Variants in PDE1C observed in about 807,000 individuals in gnomAD.
The protein encoded by PDE1C is dual specificity calcium/calmodulin-dependent 3',5'-cyclic nucleotide phosphodiesterase 1C.
Under a neutral mutation model 93.1 loss-of-function variants are expected in PDE1C, and 62 were observed. The observed-to-expected ratio is 0.67, with a 90% CI of 0.54 to 0.82. The LOEUF (loss-of-function observed/expected upper bound fraction) is 0.82. Among genes scored for constraint, PDE1C ranks in the 40% least tolerant of loss-of-function variants. PDE1C has a pLI of 0.00. For missense variants in PDE1C, 742 were observed against 884.6 expected (o/e 0.84, Z 2.04); for synonymous variants, 325 against 310.1 (o/e 1.05, Z -0.50).
chr7:32,349,718 C>T (rs35113298), intron 1 of PDE1C, among the ~76,000 whole-genome samples: 25,474 of 152,128 alleles, frequency 0.17, 2,716 homozygotes, highest in South Asian at 0.44. Flanking sequence ...CAACCTCCAC[C>T]TCTCGGGTTC....
chr7:31,620,740 A>G, the PDE1C span, among the ~76,000 whole-genome samples: 1 of 152,154 alleles, frequency 6.6e-6, no homozygotes, highest in Non-Finnish European at 1.5e-5. Context: ...CTCACCAGCA[A>G]TGGAACAAAG....
chr7:32,146,179 T>C (rs1800822891), intron 3 of PDE1C, among the ~76,000 whole-genome samples: 1 of 152,132 alleles, frequency 6.6e-6, no homozygotes, highest in Non-Finnish European at 1.5e-5. Context: ...AAACTCTGCA[T>C]TTCTGTTAAC....
intron 1 of PDE1C, among the ~76,000 whole-genome samples, chr7:32,333,952 AC>A (rs1412270581): frequency 1.3e-5 from 2 of 152,190 alleles, no homozygotes; most frequent in African/African-American, 4.8e-5. Flanking sequence ...AATATCCCAG[AC>A]CCTGTCATTT....
chr7:32,004,034 G>T (rs956634639), intron 2 of PDE1C, among the ~76,000 whole-genome samples: 1 of 152,082 alleles, frequency 6.6e-6, no homozygotes, highest in Non-Finnish European at 1.5e-5. Flanking sequence ...TGCTCTGTAC[G>T]TGTTCATGTG....
chr7:31,933,234 T>TA (rs200217566), intron 2 of PDE1C, among the ~76,000 whole-genome samples: 282 of 150,946 alleles, frequency 1.9e-3, no homozygotes, highest in Middle Eastern at 3.4e-3. Flanking sequence ...AAGTTTAATT[T>TA]AAAAAAAAAG....
intron 9 of PDE1C, among the ~76,000 whole-genome samples, chr7:31,845,460 G>T (rs1395794681): frequency 6.6e-6 from 1 of 151,972 alleles, no homozygotes; most frequent in East Asian, 1.9e-4. Flanking sequence ...CTCTGTATAG[G>T]TTCAGTAAGC....
intron 1 of PDE1C, among the ~76,000 whole-genome samples, chr7:32,241,485 C>T (rs1562610519): frequency 2.0e-5 from 3 of 151,908 alleles, no homozygotes; most frequent in Admixed American, 1.3e-4. Flanking sequence ...AAAAGCAATG[C>T]CATTGGAGTT....
chr7:31,935,460 T>A (rs1804911744), intron 2 of PDE1C, among the ~76,000 whole-genome samples: 1 of 152,136 alleles, frequency 6.6e-6, no homozygotes. Flanking sequence ...CTAAAGTTCA[T>A]ACACCTGAAA....
intron 1 of PDE1C, among the ~76,000 whole-genome samples, chr7:32,233,897 G>A (rs1807888462): frequency 6.6e-6 from 1 of 151,762 alleles, no homozygotes; most frequent in Admixed American, 6.6e-5. Flanking sequence ...CTAAATCATG[G>A]GTCATAAAAC....
intron 2 of PDE1C, among the ~76,000 whole-genome samples, chr7:31,914,378 TA>T (rs1801620823): frequency 6.6e-6 from 1 of 152,224 alleles, no homozygotes; most frequent in Admixed American, 6.5e-5. Context: ...GAGAAGAACT[TA>T]GTGATTCTAC....
intron 3 of PDE1C, among the ~76,000 whole-genome samples, chr7:32,086,860 G>A (rs187829370): frequency 2.1e-4 from 32 of 151,772 alleles, no homozygotes; most frequent in South Asian, 6.3e-4. Flanking sequence ...AATTCAAGAC[G>A]GATTAAAGAC....
chr7:32,090,754 T>C (rs552832426), intron 3 of PDE1C, among the ~76,000 whole-genome samples: 1 of 152,288 alleles, frequency 6.6e-6, no homozygotes, highest in Admixed American at 6.5e-5. Flanking sequence ...TAGGTTATAC[T>C]ATGATTTGCA....
At chr7:32,338,064 A>T (rs79961252) in intron 1 of PDE1C, among the ~76,000 whole-genome samples, 1,677 of 152,340 alleles carry the variant, frequency 0.011, 18 homozygotes, top group Middle Eastern at 0.034. Context: ...TTTGGCAATG[A>T]TTCCTTAGAT....
At chr7:31,774,305 T>G (rs1795692314) in intron 17 of PDE1C, among the ~76,000 whole-genome samples, 1 of 152,174 alleles carries the variant, frequency 6.6e-6, no homozygotes, top group Non-Finnish European at 1.5e-5. Context: ...AAAAACTGTT[T>G]TTTTAATAGA....
Position 32,344,610 on chromosome 7 carries a change from C to A in PDE1C, c.310+83212G>T, listed in dbSNP as rs368128881. Among the ~76,000 whole-genome samples the A allele has an allele frequency of 5.9e-5, 9 of 152,252 alleles. No homozygotes were observed. In the South Asian group the frequency reaches 1.9e-3, roughly 32 times the overall value. On this transcript the variant is annotated intron_variant, in intron 1 of 1. Transcript: ENST00000672256. ...TATCACTTTCCCACCTCAGATAGCA[C>A]CTTCTCAGTGAGTTTTCTGGACCAC...
chr7:31,797,647 T>G (rs1481833700), intron 16 of PDE1C, among the ~76,000 whole-genome samples: 2 of 151,726 alleles, frequency 1.3e-5, no homozygotes, highest in Non-Finnish European at 3.0e-5. Context: ...TTCACATTCC[T>G]TGGCCTATTT....
At chr7:32,325,228 G>C (rs1466526780) in intron 1 of PDE1C, among the ~76,000 whole-genome samples, 1 of 152,236 alleles carries the variant, frequency 6.6e-6, no homozygotes, top group Non-Finnish European at 1.5e-5. Flanking sequence ...GCGTCACCCT[G>C]AAGAGAGCAT....
At chr7:31,619,577 A>T in the PDE1C span, among the ~76,000 whole-genome samples, 1 of 152,092 alleles carries the variant, frequency 6.6e-6, no homozygotes, top group Non-Finnish European at 1.5e-5. Flanking sequence ...ATCAATGGTC[A>T]AGTAAGTTTG....
At chr7:31,870,490 C>A (rs1458360214) in intron 6 of PDE1C, among the ~76,000 whole-genome samples, 1 of 151,942 alleles carries the variant, frequency 6.6e-6, no homozygotes, top group Non-Finnish European at 1.5e-5. Flanking sequence ...TACTAACAAA[C>A]TGGAAAACTT....
Sources: allele counts gnomAD v4.1 joint callset (sites outside exome capture counted in the v4.1 genomes callset), GRCh38; gene constraint gnomAD v4.1.1; transcripts MANE v1.5; gene names NCBI Gene and HGNC (gene_info 2026-07-23, HGNC 2026-07-21).